TSPEAR: variants seen among roughly 807,000 people sequenced by gnomAD.
TSPEAR encodes thrombospondin-type laminin G domain and EAR repeat-containing protein.
In TSPEAR, 69 loss-of-function variants were observed where a neutral mutation model predicts 71.6. That is an observed-to-expected ratio of 0.96 (90% CI 0.79 to 1.18). The LOEUF is 1.18. Among genes scored for constraint, TSPEAR ranks in the 50% most tolerant of loss-of-function variants. The probability of loss-of-function intolerance (pLI) is 0.00; values close to 1 mark genes in which losing one functional copy is unlikely to be tolerated. For synonymous variants in TSPEAR, 402 were observed against 387.2 expected, an observed-to-expected ratio of 1.04 and a Z score of -0.45; for missense variants, 971 against 894.9, an observed-to-expected ratio of 1.09 and a Z score of -1.09.
chr21:44,694,554 A>G (rs1425039947), intron 1 of TSPEAR, among the ~76,000 whole-genome samples: 3 of 152,244 alleles, frequency 2.0e-5, no homozygotes, highest in Non-Finnish European at 2.9e-5. Context: ...AAAAATGGTT[A>G]AAATGGTAAA....
chr21:44,550,150 CT>C (rs2053380667), intron 2 of TSPEAR, among the ~76,000 whole-genome samples: 1 of 152,250 alleles, frequency 6.6e-6, no homozygotes, highest in Non-Finnish European at 1.5e-5. Flanking sequence ...ATGAACAAGG[CT>C]TTTGGGCCCC....
chr21:44,663,138 A>G (rs1435426990), intron 1 of TSPEAR, among the ~76,000 whole-genome samples: 1 of 152,108 alleles, frequency 6.6e-6, no homozygotes, highest in Non-Finnish European at 1.5e-5. Context: ...GAAAATGGAA[A>G]AGAATTCAAT....
intron 1 of TSPEAR, chr21:44,592,602 C>T (rs1334114829): frequency 2.5e-5 from 36 of 1,466,806 alleles, no homozygotes; most frequent in Admixed American, 2.4e-5. Context: ...TCCGTGTTGC[C>T]GAGAGCTGGA....
chr21:44,551,323 C>A, intron 2 of TSPEAR: 1 of 1,613,240 alleles, frequency 6.2e-7, no homozygotes, highest in Non-Finnish European at 8.5e-7. Flanking sequence ...GGGGTGCAGA[C>A]CAGGGTCAGG....
intron 1 of TSPEAR, among the ~76,000 whole-genome samples, chr21:44,645,778 TGGAAACAGAA>T (rs1984296845): frequency 6.6e-6 from 1 of 152,154 alleles, no homozygotes; most frequent in Non-Finnish European, 1.5e-5. Context: ...ACAGGATAGG[TGGAAACAGAA>T]TTGCTTCCTT....
intron 2 of TSPEAR, among the ~76,000 whole-genome samples, chr21:44,552,315 C>G (rs1076847): frequency 0.55 from 84,249 of 151,974 alleles, 24,425 homozygotes; most frequent in South Asian, 0.71. Flanking sequence ...GCCCTGACCC[C>G]GGGGCAGGGA....
chr21:44,537,562 T>A (rs1188353925), intron 2 of TSPEAR, among the ~76,000 whole-genome samples: 1 of 152,170 alleles, frequency 6.6e-6, no homozygotes, highest in African/African-American at 2.4e-5. Context: ...ATGGAGAGAA[T>A]AAACTAACTT....
intron 1 of TSPEAR, chr21:44,579,876 G>A (rs464424): frequency 6.2e-7 from 1 of 1,613,532 alleles, no homozygotes; most frequent in Non-Finnish European, 8.5e-7. Context: ...GAGATGGGCA[G>A]GCAGCAGGCG....
intron 1 of TSPEAR, among the ~76,000 whole-genome samples, chr21:44,692,547 A>T (rs553468822): frequency 6.6e-6 from 1 of 152,276 alleles, no homozygotes; most frequent in South Asian, 2.1e-4. Flanking sequence ...AAAATCATGC[A>T]TGTTTCTATA....
intron 2 of TSPEAR, among the ~76,000 whole-genome samples, chr21:44,559,011 A>T (rs1311818767): frequency 6.6e-6 from 1 of 152,146 alleles, no homozygotes; most frequent in African/African-American, 2.4e-5. Context: ...ATAAACTAGT[A>T]GAAATATATT....
intron 1 of TSPEAR, chr21:44,646,465 G>T (rs150246805): frequency 6.2e-7 from 1 of 1,606,790 alleles, no homozygotes; most frequent in Non-Finnish European, 8.5e-7. Context: ...CAGCATGGCC[G>T]CGTCCACCAT....
At chr21:44,518,828 G>A (rs782249753) in intron 9 of TSPEAR, 3 of 396,860 alleles carry the variant, frequency 7.6e-6, no homozygotes, top group South Asian at 1.9e-5. Flanking sequence ...AGTGTGCTGG[G>A]GCTCTGCATG....
At chr21:44,646,315 AG>A in intron 1 of TSPEAR, 1 of 1,199,836 alleles carries the variant, frequency 8.3e-7, no homozygotes, top group Admixed American at 2.6e-5. Flanking sequence ...AAGGAAGAAA[AG>A]CTTGTGGAGC....
At chr21:44,639,251 C>A (rs1555938011) in intron 1 of TSPEAR, among the ~76,000 whole-genome samples, 1 of 152,226 alleles carries the variant, frequency 6.6e-6, no homozygotes, top group Non-Finnish European at 1.5e-5. Context: ...TGCCTGCCAC[C>A]CTCCGTCCCA....
At chr21:44,652,877 CG>C (rs1984894795) in intron 1 of TSPEAR, among the ~76,000 whole-genome samples, 1 of 152,126 alleles carries the variant, frequency 6.6e-6, no homozygotes, top group Non-Finnish European at 1.5e-5. Context: ...AGTCTTCTGG[CG>C]GGGTGTGGTG....
intron 1 of TSPEAR, chr21:44,658,356 C>G: frequency 7.5e-7 from 1 of 1,326,872 alleles, no homozygotes; most frequent in Non-Finnish European, 1.1e-6. Context: ...ACACATAGGG[C>G]AGATGAAAAG....
At position 44,506,424 on chromosome 21, in the gene TSPEAR, C is replaced by T. The variant is rs587645770; in HGVS notation, c.1755-1543G>A. 6.6e-6 allele frequency among the ~76,000 whole-genome samples: 1 copy of T among 152,248 alleles called. No homozygotes were observed. Among genetic ancestry groups the T allele is most frequent in the Non-Finnish European group, 1.5e-5 (1 of 68,038 alleles). The stretch of plus-strand genomic sequence containing the variant: ...TCAGGGCTGTGGCCAGTTCAGGCAG[C>T]AGAGGGGCCTCATCCCGGTGCTTCC... On this transcript the variant is annotated intron_variant, in intron 10 of 11. Coordinates refer to ENST00000323084, the MANE Select transcript of TSPEAR (RefSeq NM_144991.3). This position sits in a 1 kb window ranked among gnomAD's most constrained non-coding sequence, Gnocchi z 4.2.
At position 44,527,185 on chromosome 21, in the gene TSPEAR, C is replaced by T. The variant is rs933756449; in HGVS notation, c.1149+107G>A. ...CTTTTACCGCCTGAACGAGGTGACA[C>T]CGTGAGAAACTCCTTTACCTGCAGA... is the stretch of plus-strand genomic sequence containing the variant. On this transcript the variant is annotated intron_variant, in intron 7 of 11. Coordinates refer to ENST00000323084, the MANE Select transcript of TSPEAR (RefSeq NM_144991.3). 11 of 1,046,650 alleles carry T rather than the reference C, an allele frequency of 1.1e-5. No individual in the cohort carries two copies. The East Asian group carries it at 2.7e-4, about 25-fold the overall frequency. The allele number at this position is 1,046,650 out of a possible 1,614,324, so 64.8% of individuals were successfully genotyped here.
At chr21:44,653,404 G>C (rs782124278) in intron 1 of TSPEAR, among the ~76,000 whole-genome samples, 2 of 151,992 alleles carry the variant, frequency 1.3e-5, no homozygotes, top group Non-Finnish European at 2.9e-5. Flanking sequence ...GGCTGCCCCC[G>C]GGCTGGTGTG....
Sources: allele counts gnomAD v4.1 joint callset (sites outside exome capture counted in the v4.1 genomes callset), GRCh38; gene constraint gnomAD v4.1.1; non-coding constraint Gnocchi (gnomAD v3.1); transcripts MANE v1.5; gene names NCBI Gene and HGNC (gene_info 2026-07-23, HGNC 2026-07-21).